The following CEP76 variants were observed in gnomAD, a reference collection of about 807,000 sequenced individuals.
The protein encoded by CEP76 is centrosomal protein 76.
In CEP76, 55 loss-of-function variants were observed where a neutral mutation model predicts 83.3. The ratio of observed to expected loss-of-function variants is 0.66; its 90% CI spans 0.53 to 0.83. The LOEUF (loss-of-function observed/expected upper bound fraction) is 0.83, where lower values mean the gene tolerates loss of function less well. CEP76 is among the 40% of genes least tolerant of loss of function. CEP76 has a pLI of 0.00. For missense variants in CEP76, 694 were observed against 799.5 expected (o/e 0.87, Z 1.59); for synonymous variants, 270 against 274.5 (o/e 0.98, Z 0.16).
At chr18:12,689,426 G>C (rs1598644157) in intron 7 of CEP76, among the ~76,000 whole-genome samples, 1 of 152,134 alleles carries the variant, frequency 6.6e-6, no homozygotes, top group East Asian at 1.9e-4. Flanking sequence ...TTGCTGTTTG[G>C]CCTTGAAAAG....
Position 12,672,820 on chromosome 18 carries a change from T to C in CEP76, c.*545A>G. 1.0e-6 allele frequency: 1 copy of C among 984,594 alleles called. No homozygotes were observed. The highest frequency in any genetic ancestry group is 1.2e-6 in the Non-Finnish European group (1 of 829,060). The allele number at this position is 984,594 out of a possible 1,614,324, so 61.0% of individuals were successfully genotyped here. Reference sequence around the variant, plus strand: ...GTTTTTTCCTACTCTTGCTTCAAGGTCCAACCATAAATTTCTGGACAGTCT... The same window carrying C: ...GTTTTTTCCTACTCTTGCTTCAAGGCCCAACCATAAATTTCTGGACAGTCT... On this transcript the variant is annotated 3_prime_UTR_variant, in exon 12 of 12. Transcript: ENST00000262127.
chr18:12,696,404 G>A (rs1406033941), intron 5 of CEP76, among the ~76,000 whole-genome samples: 2 of 152,078 alleles, frequency 1.3e-5, no homozygotes, highest in Non-Finnish European at 2.9e-5. Context: ...TTAGCAGGCT[G>A]AGCCAGTATA....
Position 12,678,412 on chromosome 18 carries a change from T to C in CEP76, c.1320A>G (p.Glu440=). The change falls in exon 10 of 12, where the codon GAA becomes GAG. Residue 440 remains glutamate, a synonymous_variant. Coordinates refer to ENST00000262127, the MANE Select transcript of CEP76 (RefSeq NM_024899.4). ...RYIHKPTNPD[E]PPVAEQPKPL... is the part of the protein sequence containing the mutation. Reference sequence around the variant, plus strand: ...GTTTGGGCTGTTCAGCAACTGGAGGTTCATCAGGATTGGTAGGTTTATGGA... The same window carrying C: ...GTTTGGGCTGTTCAGCAACTGGAGGCTCATCAGGATTGGTAGGTTTATGGA... 6.2e-7 allele frequency: 1 copy of C among 1,613,378 alleles called. No individual in the cohort carries two copies. Among genetic ancestry groups the C allele is most frequent in the Non-Finnish European group, 8.5e-7 (1 of 1,179,406 alleles).
rs1192218922 is a variant in CEP76 at position 12,697,254 on chromosome 18, C to T, written c.675G>A (p.Val225=). 7 of 1,613,560 alleles carry T rather than the reference C, an allele frequency of 4.3e-6. No homozygotes were observed. The highest frequency in any genetic ancestry group is 1.1e-5 in the South Asian group (1 of 90,996). Residue 225 remains valine, a synonymous_variant, in exon 5 of 12, where the codon GTG becomes GTA. Transcript: ENST00000262127. ...WRSVLGSENG[V]TSLTVELMGV... ...CCATAAGTTCCACAGTCAGACTGGT[C>T]ACTCCATTTTCTGAGCCCAAAACCG...
chr18:12,694,282 G>A (rs1278807884), intron 6 of CEP76, among the ~76,000 whole-genome samples: 4 of 152,162 alleles, frequency 2.6e-5, no homozygotes, highest in Admixed American at 6.5e-5. Flanking sequence ...AAGCACTAGC[G>A]TCTAACCACA....
At chr18:12,699,700 C>T (rs2040085095) in intron 3 of CEP76, 130 bp downstream of exon 3, 1 of 575,714 alleles carries the variant, frequency 1.7e-6, no homozygotes, top group African/African-American at 1.9e-5. Context: ...TCTGTTTTAG[C>T]CAACCATAAA....
At chr18:12,682,301 C>T (rs1338041452) in intron 8 of CEP76, among the ~76,000 whole-genome samples, 1 of 151,984 alleles carries the variant, frequency 6.6e-6, no homozygotes, top group African/African-American at 2.4e-5. Flanking sequence ...GTGATTCCCC[C>T]GCCTCAGCCT....
chr18:12,674,451 A>C, intron 11 of CEP76, 85 bp downstream of exon 11: 1 of 1,026,968 alleles, frequency 9.7e-7, no homozygotes, highest in Non-Finnish European at 1.4e-6. Context: ...TAAAAAAAAA[A>C]AAAAAAGGAA....
At chr18:12,681,152 C>T (rs2039333837) in intron 8 of CEP76, among the ~76,000 whole-genome samples, 1 of 150,172 alleles carries the variant, frequency 6.7e-6, no homozygotes, top group Non-Finnish European at 1.5e-5. Context: ...GAGCTACAAT[C>T]GCGCCACTGC....
chr18:12,698,941 T>C (rs2040055467), intron 4 of CEP76, 38 bp downstream of exon 4: 2 of 1,368,572 alleles, frequency 1.5e-6, no homozygotes, highest in African/African-American at 1.5e-5. Flanking sequence ...ATAACAAAGA[T>C]TTACTCAATT....
chr18:12,677,713 C>T (rs1007301750), intron 10 of CEP76, among the ~76,000 whole-genome samples: 45 of 152,140 alleles, frequency 3.0e-4, no homozygotes, highest in African/African-American at 9.7e-4. Flanking sequence ...CCCACCTCAG[C>T]CTCCCAAAGT....
chr18:12,670,043 G>T (rs1029339014), downstream of CEP76, among the ~76,000 whole-genome samples: 3 of 150,002 alleles, frequency 2.0e-5, no homozygotes, highest in African/African-American at 4.9e-5. Context: ...TTAGTAAGAA[G>T]AATAGGCCAG....
At chr18:12,673,755 T>C (rs928006089) in intron 11 of CEP76, among the ~76,000 whole-genome samples, 7 of 151,892 alleles carry the variant, frequency 4.6e-5, no homozygotes, top group African/African-American at 1.7e-4. Context: ...GTGGCGGGCG[T>C]CTGTAATCCC....
At chr18:12,676,596 T>C (rs1226366684) in intron 10 of CEP76, among the ~76,000 whole-genome samples, 1 of 152,046 alleles carries the variant, frequency 6.6e-6, no homozygotes, top group Non-Finnish European at 1.5e-5. Flanking sequence ...TTATAAGATA[T>C]TGCTTTTATT....
chr18:12,678,478 A>G, intron 9 of CEP76, 36 bp from the exon 10 acceptor site: 1 of 1,404,950 alleles, frequency 7.1e-7, no homozygotes, highest in South Asian at 1.4e-5. Flanking sequence ...ATGAGAACTT[A>G]AAAATTAAAA....
chr18:12,686,494 C>T lies in CEP76; in HGVS notation c.934-44G>A, dbSNP rs766424612. On this transcript the variant is annotated intron_variant, in intron 7 of 11. Coordinates refer to ENST00000262127, the MANE Select transcript of CEP76 (RefSeq NM_024899.4). ...ACATCTGTAATGACATATTAATCAT[C>T]CCCAATTATGTTTTTTTCAAATACA... The T allele has an allele frequency of 2.2e-5, 30 of 1,376,340 alleles. No homozygotes were observed. The East Asian group carries it at 6.7e-4, about 31-fold the overall frequency. The allele number at this position is 1,376,340 out of a possible 1,614,324, so 85.3% of individuals were successfully genotyped here.
intron 9 of CEP76, among the ~76,000 whole-genome samples, chr18:12,679,992 G>A (rs1340148909): frequency 6.6e-6 from 1 of 150,924 alleles, no homozygotes; most frequent in Non-Finnish European, 1.5e-5. Flanking sequence ...GGAGGGGGAG[G>A]CTGCAGTGGG....
chr18:12,700,690 C>G (rs2542174), intron 2 of CEP76, among the ~76,000 whole-genome samples: 6 of 151,884 alleles, frequency 4.0e-5, no homozygotes, highest in Admixed American at 3.9e-4. Flanking sequence ...TATGTATATT[C>G]AAATTTACAG....
chr18:12,684,765 G>A (rs2039479826), intron 8 of CEP76: 1 of 152,040 alleles, frequency 6.6e-6, no homozygotes, highest in Non-Finnish European at 1.5e-5. Flanking sequence ...TTACAGGCGT[G>A]AGCCACCGCG....
Sources: allele counts gnomAD v4.1 joint callset (sites outside exome capture counted in the v4.1 genomes callset), GRCh38; gene constraint gnomAD v4.1.1; transcripts MANE v1.5; gene names NCBI Gene and HGNC (gene_info 2026-07-23, HGNC 2026-07-21).